TRIP11: variants seen among roughly 807,000 people sequenced by gnomAD.
The protein encoded by TRIP11 is thyroid receptor-interacting protein 11.
In TRIP11, 148 loss-of-function variants were observed where a neutral mutation model predicts 223.1. That is an observed-to-expected ratio of 0.66 (90% CI 0.58 to 0.76). The LOEUF is 0.76. Ranked by LOEUF, TRIP11 falls within the 30% of genes least tolerant of loss-of-function variation. The pLI is 0.00. For synonymous variants in TRIP11, 762 were observed against 772.6 expected, an observed-to-expected ratio of 0.99 and a Z score of 0.23; for missense variants, 2,043 against 2,222.0, an observed-to-expected ratio of 0.92 and a Z score of 1.62.
In TRIP11 at chr14:92,003,458, C is replaced by T. The variant is rs1222509313; in HGVS notation, c.4518G>A (p.Lys1506=). The change falls in exon 11 of 21, where the codon AAG becomes AAA. Residue 1506 remains lysine (K), a synonymous_variant. Transcript: ENST00000267622. The part of the protein sequence containing the change: ...KEFECHSMKE[K]ALAFEQLLKE... ...TCAATAGCTGTTCAAAAGCAAGAGC[C>T]TTCTCCTTCATTGAGTGGCACTCAA... 1.2e-6 allele frequency: 2 copies of T among 1,613,884 alleles called. No homozygotes were observed. Among genetic ancestry groups the T allele is most frequent in the South Asian group, 2.2e-5 (2 of 91,072 alleles).
rs775347181 is a variant in TRIP11 at position 92,004,613 on chromosome 14, T to C, written c.3363A>G (p.Lys1121=). 3 of 1,614,140 alleles carry C rather than the reference T, an allele frequency of 1.9e-6. No homozygotes were observed. Among genetic ancestry groups the C allele is most frequent in the East Asian group, 4.5e-5 (2 of 44,878 alleles). The part of the protein sequence containing the change: ...ENSHLKTEYH[K]MMDIVAAKEA... ...CCTTGGCAGCAACAATATCCATCATTTTGTGATATTCTGTTTTTAGATGGC... is the reference window on the plus strand; with the variant it reads ...CCTTGGCAGCAACAATATCCATCATCTTGTGATATTCTGTTTTTAGATGGC... The change falls in exon 11 of 21, where the codon AAA becomes AAG. Residue 1121 remains lysine (K), a synonymous_variant. Coordinates refer to ENST00000267622, the MANE Select transcript of TRIP11 (RefSeq NM_004239.4).
chr14:92,025,395 G>A lies in TRIP11; in HGVS notation c.227C>T (p.Thr76Ile). ...TGCTTCATGTTTCTCTTCTAGATCA[G>A]TACAAAGTTTCTTAAGCCTTTCATT... ...SENERLKKLC[T>I]DLEEKHEASE... The change falls in exon 3 of 21, where the codon ACT (threonine) becomes ATT (isoleucine). Residue 76 changes from threonine to isoleucine, a missense_variant. Transcript: ENST00000267622. 2 of 1,612,518 alleles carry A rather than the reference G, an allele frequency of 1.2e-6. No homozygotes were observed. Among genetic ancestry groups the A allele is most frequent in the African/African-American group, 1.3e-5 (1 of 74,868 alleles).
chr14:91,996,574 T>C (rs2056754061), intron 13 of TRIP11, among the ~76,000 whole-genome samples: 1 of 152,148 alleles, frequency 6.6e-6, no homozygotes, highest in Non-Finnish European at 1.5e-5. Flanking sequence ...AAGGTACAAA[T>C]GAATAGCCTG....
chr14:92,003,330 C>A, intron 11 of TRIP11, 89 bp downstream of exon 11: 1 of 1,512,024 alleles, frequency 6.6e-7, no homozygotes, highest in Non-Finnish European at 9.0e-7. Flanking sequence ...AATGCACAGT[C>A]CCCTTCAAAG....
intron 2 of TRIP11, 62 bp downstream of exon 2, chr14:92,033,130 T>C (rs1484859323): frequency 8.1e-7 from 1 of 1,235,546 alleles, no homozygotes; most frequent in Admixed American, 1.7e-5. Context: ...ATCAAAGTAA[T>C]GTTTGAGTAA....
chr14:92,008,198 C>T (rs1000589204), intron 9 of TRIP11, among the ~76,000 whole-genome samples: 2 of 152,184 alleles, frequency 1.3e-5, no homozygotes, highest in Non-Finnish European at 2.9e-5. Context: ...CCCCTGGCCC[C>T]ACCTACCATA....
At position 92,037,443 on chromosome 14, in the gene TRIP11, A is replaced by C. The variant is rs2057335842; in HGVS notation, c.139+2104T>G. ...GAATTGTTTTCTGGGTGAAGGAGGA[A>C]ATAGAGAAGAAAGGGCTTTCCATGT... On this transcript the variant is annotated intron_variant, in intron 1 of 20. Coordinates refer to ENST00000267622, the MANE Select transcript of TRIP11 (RefSeq NM_004239.4). The surrounding 1 kb of genome is among the most constrained non-coding windows in gnomAD (Gnocchi z 4.2). Among the ~76,000 whole-genome samples the C allele has an allele frequency of 6.6e-6, 1 of 152,238 alleles. No homozygotes were observed. Among genetic ancestry groups the C allele is most frequent in the African/African-American group, 2.4e-5 (1 of 41,464 alleles).
rs2056450785 is a variant in TRIP11, at chr14:91,975,304, G to A, written c.5343-18C>T. On this transcript the variant is annotated intron_variant, in intron 17 of 20. Coordinates refer to ENST00000267622, the MANE Select transcript of TRIP11 (RefSeq NM_004239.4). ...TTAGGACTCTATGAAAATAAAGGCA[G>A]AAACAGCTCAAGTGAACTCAACATT... is the stretch of plus-strand genomic sequence containing the variant. 1.3e-6 allele frequency: 2 copies of A among 1,583,904 alleles called. No homozygotes were observed. The highest frequency in any genetic ancestry group is 1.3e-5 in the African/African-American group (1 of 74,202).
chr14:91,987,343 G>A lies in TRIP11; in HGVS notation c.5260+941C>T, dbSNP rs147681969. Among the ~76,000 whole-genome samples, 815 of 152,168 alleles carry A rather than the reference G, an allele frequency of 5.4e-3. 17 individuals are homozygous for A. Among genetic ancestry groups the A allele is most frequent in the Admixed American group, 0.05 (770 of 15,276 alleles). On this transcript the variant is annotated intron_variant, in intron 16 of 20. Coordinates refer to ENST00000267622, the MANE Select transcript of TRIP11 (RefSeq NM_004239.4). Reference sequence around the variant, plus strand: ...AATCTCCCCTGTCCTGTCTCCTGCTGGATTTAGGCCAGCTTACTTTGGCTT... The same window carrying A: ...AATCTCCCCTGTCCTGTCTCCTGCTAGATTTAGGCCAGCTTACTTTGGCTT...
chr14:92,005,626 G>T lies in TRIP11; in HGVS notation c.2350C>A (p.Gln784Lys). 6.2e-7 allele frequency: 1 copy of T among 1,613,824 alleles called. No homozygotes were observed. The highest frequency in any genetic ancestry group is 8.5e-7 in the Non-Finnish European group (1 of 1,179,990). The change falls in exon 11 of 21, where the codon CAA becomes AAA. Residue 784 changes from glutamine (Q) to lysine (K), a missense_variant. By Grantham distance (53) the Gln-to-Lys change is moderately conservative. Transcript: ENST00000267622. ...EIAELKKNIE[Q>K]MDTDHKETKD... ...GTTTCTTTATGGTCAGTATCCATTTGTTCAATATTCTTTTTGAGTTCTGCT... is the reference window on the plus strand; with the variant it reads ...GTTTCTTTATGGTCAGTATCCATTTTTTCAATATTCTTTTTGAGTTCTGCT...
At chr14:91,980,386 T>G (rs1206644960) in intron 16 of TRIP11, among the ~76,000 whole-genome samples, 1 of 152,212 alleles carries the variant, frequency 6.6e-6, no homozygotes, top group Non-Finnish European at 1.5e-5. Context: ...AACAGTCACC[T>G]GACTGAGAAA....
chr14:91,984,518 G>A (rs1003126317), intron 16 of TRIP11, among the ~76,000 whole-genome samples: 2 of 151,892 alleles, frequency 1.3e-5, no homozygotes, highest in Admixed American at 1.3e-4. Flanking sequence ...GTATCACCAT[G>A]TTGGCTAGGC....
rs147881167 is a variant in TRIP11 at position 92,003,030 on chromosome 14, CAT to C, written c.4557+387_4557+388del. Among the ~76,000 whole-genome samples the C allele has an allele frequency of 5.8e-4, 89 of 152,254 alleles. No individual in the cohort carries two copies. In the East Asian group the frequency reaches 0.011, roughly 19 times the overall value. On this transcript the variant is annotated intron_variant, in intron 11 of 20. Coordinates refer to ENST00000267622, the MANE Select transcript of TRIP11 (RefSeq NM_004239.4). ...ATTTCTTACTGCAGATGGTTAAAGA[CAT>C]ATGTGTATTTTACAGTGCTTTCCTT...
intron 10 of TRIP11, 95 bp downstream of exon 10, chr14:92,007,545 T>C: frequency 7.2e-7 from 1 of 1,386,990 alleles, no homozygotes; most frequent in Non-Finnish European, 1.0e-6. Flanking sequence ...TGTCAATCTC[T>C]ATGAACTAAA....
chr14:92,038,059 A>G (rs2057342724), intron 1 of TRIP11, among the ~76,000 whole-genome samples: 1 of 152,230 alleles, frequency 6.6e-6, no homozygotes, highest in African/African-American at 2.4e-5. Context: ...GGAGTAATAA[A>G]GCAAAGGACA....
At chr14:92,021,862 G>T in intron 3 of TRIP11, 31 bp from the exon 4 acceptor site, 1 of 1,605,422 alleles carries the variant, frequency 6.2e-7, no homozygotes, top group Non-Finnish European at 8.5e-7. Context: ...TTTTAGAGAA[G>T]GTACTTTAAA....
chr14:91,993,952 G>T, intron 14 of TRIP11, 40 bp from the exon 15 acceptor site: 1 of 1,468,234 alleles, frequency 6.8e-7, no homozygotes. Context: ...TTTTGCAATC[G>T]TGTGTTAAGT....
chr14:92,013,634 CACATAAACTCATCTGG>C (rs145561289), intron 7 of TRIP11, among the ~76,000 whole-genome samples: 1,995 of 152,292 alleles, frequency 0.013, 27 homozygotes, highest in African/African-American at 0.045. Flanking sequence ...GTCTTTTAAG[CACATAAACTCATCTGG>C]ATCACCCAAT....
intron 4 of TRIP11, among the ~76,000 whole-genome samples, chr14:92,018,053 A>AAG (rs2057058099): frequency 6.6e-6 from 1 of 152,120 alleles, no homozygotes; most frequent in Non-Finnish European, 1.5e-5. Context: ...TGTAAGGGTA[A>AAG]AGATAATTGA....
Sources: allele counts gnomAD v4.1 joint callset (sites outside exome capture counted in the v4.1 genomes callset), GRCh38; gene constraint gnomAD v4.1.1; non-coding constraint Gnocchi (gnomAD v3.1); transcripts MANE v1.5; gene names NCBI Gene and HGNC (gene_info 2026-07-23, HGNC 2026-07-21).